Variants in JARID2 observed in about 807,000 individuals in gnomAD.
JARID2 encodes the protein protein Jumonji.
Under a neutral mutation model 125.6 loss-of-function variants are expected in JARID2, and 21 were observed. That is an observed-to-expected ratio of 0.17 (90% confidence interval 0.12 to 0.24). The LOEUF is 0.24. Among genes scored for constraint, JARID2 ranks in the 10% least tolerant of loss-of-function variants. The pLI, the probability that JARID2 is intolerant of heterozygous loss-of-function variation, is 1.00. For missense variants in JARID2, 1,303 were observed against 1,639.6 expected (o/e 0.79, Z 3.55); for synonymous variants, 736 against 661.6 (o/e 1.11, Z -1.73).
At chr6:15,268,018 A>G (rs147411867) in intron 1 of JARID2, among the ~76,000 whole-genome samples, 147 of 152,320 alleles carry the variant, frequency 9.7e-4, no homozygotes, top group African/African-American at 3.3e-3. Flanking sequence ...AACAGGGGAT[A>G]GGTGATGGAC....
intron 2 of JARID2, among the ~76,000 whole-genome samples, chr6:15,376,060 C>T (rs1002107996): frequency 6.6e-6 from 1 of 152,196 alleles, no homozygotes; most frequent in African/African-American, 2.4e-5. Flanking sequence ...AGGTTTAGCT[C>T]TGGCAGAGTC....
At chr6:15,359,674 A>G (rs1763724706) in intron 1 of JARID2, among the ~76,000 whole-genome samples, 1 of 151,356 alleles carries the variant, frequency 6.6e-6, no homozygotes, top group Admixed American at 6.6e-5. Context: ...AGCGGGTATT[A>G]GAATTTCCCC....
intron 1 of JARID2, among the ~76,000 whole-genome samples, chr6:15,354,781 C>A (rs12211278): frequency 0.056 from 8,563 of 152,208 alleles, 253 homozygotes; most frequent in South Asian, 0.12. Flanking sequence ...CATAGAATAC[C>A]TACCCCTACA....
intron 1 of JARID2, among the ~76,000 whole-genome samples, chr6:15,280,571 C>T (rs139610185): frequency 2.2e-3 from 337 of 151,182 alleles, no homozygotes; most frequent in African/African-American, 7.8e-3. Context: ...TTCAGTAGTA[C>T]AGTTTCTTGT....
chr6:15,493,310 G>A (rs553912567), intron 6 of JARID2, among the ~76,000 whole-genome samples: 3 of 152,272 alleles, frequency 2.0e-5, no homozygotes, highest in African/African-American at 7.2e-5. Flanking sequence ...GAATCTAGAG[G>A]GAAGGGATTT....
At chr6:15,509,269 G>A (rs541573842) in intron 12 of JARID2, 42 of 985,154 alleles carry the variant, frequency 4.3e-5, no homozygotes, top group South Asian at 9.4e-5. Context: ...ATGTCTTGTC[G>A]TCTGATCGTT....
chr6:15,283,128 G>A (rs185779065), intron 1 of JARID2, among the ~76,000 whole-genome samples: 1,396 of 137,564 alleles, frequency 0.01, 8 homozygotes, highest in Middle Eastern at 0.017. Flanking sequence ...ACAGGCGCCC[G>A]CCACCACGCC....
intron 7 of JARID2, among the ~76,000 whole-genome samples, chr6:15,500,188 C>T (rs977538657): frequency 3.9e-5 from 6 of 152,200 alleles, no homozygotes; most frequent in Admixed American, 1.3e-4. Flanking sequence ...TGCATTTGCG[C>T]TGCTCTGTGG....
intron 1 of JARID2, chr6:15,248,853 C>T (rs1759313976): frequency 1.1e-6 from 1 of 923,346 alleles, no homozygotes; most frequent in Non-Finnish European, 1.3e-6. Flanking sequence ...GAGGAGGGAG[C>T]TGGGCGGGGG....
At chr6:15,408,362 T>G (rs1201333767) in intron 2 of JARID2, among the ~76,000 whole-genome samples, 1 of 152,206 alleles carries the variant, frequency 6.6e-6, no homozygotes, top group Non-Finnish European at 1.5e-5. Flanking sequence ...GCATTTTTAT[T>G]TTCAGTTTTC....
chr6:15,445,691 T>G (rs528084677), intron 3 of JARID2, among the ~76,000 whole-genome samples: 1 of 152,196 alleles, frequency 6.6e-6, no homozygotes, highest in African/African-American at 2.4e-5. Context: ...ACAGTTGTGC[T>G]GTGTGAGGCC....
At chr6:15,497,220 G>C (rs1259144390) in intron 7 of JARID2, 50 bp downstream of exon 7, 3 of 1,342,378 alleles carry the variant, frequency 2.2e-6, no homozygotes, top group East Asian at 2.5e-5. Flanking sequence ...CCTGCCCCCA[G>C]ATCCCTGCAG....
At chr6:15,315,300 A>G (rs1434837195) in intron 1 of JARID2, among the ~76,000 whole-genome samples, 1 of 152,232 alleles carries the variant, frequency 6.6e-6, no homozygotes, top group Non-Finnish European at 1.5e-5. Flanking sequence ...TAGACAATCT[A>G]CAGGACTAGG....
intron 1 of JARID2, among the ~76,000 whole-genome samples, chr6:15,348,289 A>G (rs1322235275): frequency 6.6e-6 from 1 of 151,984 alleles, no homozygotes; most frequent in East Asian, 1.9e-4. Context: ...ATGGGCTTTC[A>G]CCATGTTGGC....
Position 15,278,390 on chromosome 6 carries a change from T to C in JARID2, c.45+31806T>C, listed in dbSNP as rs373643144. On this transcript the variant is annotated intron_variant, in intron 1 of 17. Transcript: ENST00000341776. ...TCACGAGGTCAGGAGATTGAGACCA[T>C]GCTGGCTAACACGGTGAAACCCCGT... Among the ~76,000 whole-genome samples, 14 of 151,796 alleles carry C rather than the reference T, an allele frequency of 9.2e-5. No homozygotes were observed. In the East Asian group the frequency reaches 2.4e-3, roughly 26 times the overall value.
At chr6:15,409,366 G>A (rs956124960) in intron 2 of JARID2, among the ~76,000 whole-genome samples, 1 of 152,228 alleles carries the variant, frequency 6.6e-6, no homozygotes, top group Admixed American at 6.5e-5. Flanking sequence ...GGTTGCCTTC[G>A]AGGGTTGTGA....
chr6:15,250,829 T>C (rs1264440043), intron 1 of JARID2, among the ~76,000 whole-genome samples: 1 of 152,092 alleles, frequency 6.6e-6, no homozygotes, highest in Non-Finnish European at 1.5e-5. Context: ...CCAGTGTTAA[T>C]ATATACCGTA....
chr6:15,312,494 C>T (rs35250158), intron 1 of JARID2, among the ~76,000 whole-genome samples: 12,080 of 152,262 alleles, frequency 0.079, 547 homozygotes, highest in East Asian at 0.19. Flanking sequence ...TCCTGTCACC[C>T]GAGAAAGCTC....
chr6:15,436,003 C>T (rs1006606446), intron 3 of JARID2, among the ~76,000 whole-genome samples: 10 of 152,134 alleles, frequency 6.6e-5, no homozygotes, highest in Non-Finnish European at 1.2e-4. Flanking sequence ...TGCCCCGCTG[C>T]TCATACCTCT....
Sources: gnomAD v4.1 joint callset for allele counts (sites outside exome capture counted in the v4.1 genomes callset) on GRCh38, gnomAD v4.1.1 for gene constraint, MANE v1.5 for transcripts, NCBI Gene and HGNC (gene_info 2026-07-23, HGNC 2026-07-21) for gene names.